Variants in MOCOS observed in about 807,000 individuals in gnomAD.
MOCOS encodes human molybdenum cofactor sulfurase.
MOCOS carries 86 observed loss-of-function variants against 83.6 expected under a neutral mutation model. That is an observed-to-expected ratio of 1.03 (90% confidence interval 0.86 to 1.23). The LOEUF is 1.23. Among genes scored for constraint, MOCOS ranks in the 50% most tolerant of loss-of-function variants. The pLI is 0.00. For missense variants in MOCOS, 1,120 were observed against 1,126.9 expected, an observed-to-expected ratio of 0.99 and a Z score of 0.09; for synonymous variants, 445 against 434.7, an observed-to-expected ratio of 1.02 and a Z score of -0.29.
chr18:36,216,581 T>C (rs903555917), intron 8 of MOCOS, among the ~76,000 whole-genome samples: 10 of 152,200 alleles, frequency 6.6e-5, no homozygotes, highest in African/African-American at 9.6e-5. Context: ...AACCCTACTA[T>C]AGAATACCAA....
Position 36,213,404 on chromosome 18 carries a change from A to G in MOCOS, c.1257A>G (p.Arg419=). 6.2e-7 allele frequency: 1 copy of G among 1,614,164 alleles called. No homozygotes were observed. Among genetic ancestry groups the G allele is most frequent in the Non-Finnish European group, 8.5e-7 (1 of 1,180,024 alleles). The change falls in exon 7 of 15, where the codon CGA becomes CGG. Residue 419 remains arginine, a synonymous_variant. Transcript: ENST00000261326. ...CCAGTCTTTACAACATCCACCTGCG[A>G]ACTGGCTGCTTCTGTAACACTGGGG... ...KMASLYNIHL[R]TGCFCNTGAC... is the part of the protein sequence containing the mutation.
intron 10 of MOCOS, among the ~76,000 whole-genome samples, 184 bp downstream of exon 10, chr18:36,249,184 G>T (rs539254710): frequency 6.6e-6 from 1 of 152,194 alleles, no homozygotes; most frequent in East Asian, 1.9e-4. Context: ...TCCCAAGCAT[G>T]CTCCCTTCTC....
At chr18:36,245,299 AT>A (rs1214480880) in intron 9 of MOCOS, among the ~76,000 whole-genome samples, 2 of 151,474 alleles carry the variant, frequency 1.3e-5, no homozygotes, top group African/African-American at 4.8e-5. Flanking sequence ...TTCTTTTACC[AT>A]TTTTTTTGTA....
chr18:36,193,330 A>AT (rs2091374150), intron 1 of MOCOS, among the ~76,000 whole-genome samples: 2 of 101,584 alleles, frequency 2.0e-5, no homozygotes, highest in East Asian at 4.1e-4. Context: ...AAAAAAAAAA[A>AT]AAAAAAAAAA....
At chr18:36,198,873 T>G in intron 3 of MOCOS, 117 bp downstream of exon 3, 1 of 1,021,112 alleles carries the variant, frequency 9.8e-7, no homozygotes, top group Non-Finnish European at 1.5e-6. Context: ...CACAGTTGGC[T>G]AAAAGGCAAT....
chr18:36,206,493 G>A (rs535567628), intron 6 of MOCOS, among the ~76,000 whole-genome samples: 33 of 151,924 alleles, frequency 2.2e-4, no homozygotes, highest in African/African-American at 6.8e-4. Context: ...TGATCTGCCC[G>A]CCTCAGCCTC....
At chr18:36,214,420 G>A (rs7226821) in intron 7 of MOCOS, among the ~76,000 whole-genome samples, 7,509 of 152,000 alleles carry the variant, frequency 0.049, 230 homozygotes, top group African/African-American at 0.053. Context: ...CCTGAGGTAC[G>A]GCCTCCAAGC....
chr18:36,226,638 G>A (rs760178936), intron 9 of MOCOS, among the ~76,000 whole-genome samples: 4 of 146,958 alleles, frequency 2.7e-5, no homozygotes, highest in Non-Finnish European at 6.0e-5. Context: ...CTGTCTTTGT[G>A]TTTTGTTGAT....
Position 36,238,384 on chromosome 18 carries a change from G to A in MOCOS, c.1961-10538G>A, listed in dbSNP as rs1042127681. Among the ~76,000 whole-genome samples the A allele has an allele frequency of 7.9e-3, 1,194 of 150,566 alleles. 10 individuals carry two copies. Among genetic ancestry groups the A allele is most frequent in the African/African-American group, 0.028 (1,136 of 41,116 alleles). ...ACATCTTTATTTCTGCCTTCATTTC[G>A]TTATGTACCCAGTAGTCATTCAGGA... On this transcript the variant is annotated intron_variant, in intron 9 of 14. Transcript: ENST00000261326.
At position 36,203,120 on chromosome 18, in the gene MOCOS, G is replaced by GA; in HGVS notation, c.950dup (p.Asp317GlufsTer8). On this transcript the variant is annotated frameshift_variant, in exon 5 of 15. Coordinates refer to ENST00000261326, the MANE Select transcript of MOCOS (RefSeq NM_017947.4). LOFTEE classifies it high-confidence loss of function. ...CTTACCCCGTGGTTATAGGTTTGAA[G>GA]ATGGCACCATCTCATTCCTTGATGT... is the stretch of plus-strand genomic sequence containing the variant. 6.2e-7 allele frequency: 1 copy of GA among 1,614,186 alleles called. No homozygotes were observed. The highest frequency in any genetic ancestry group is 8.5e-7 in the Non-Finnish European group (1 of 1,180,008).
chr18:36,188,827 G>A (rs891716345), intron 1 of MOCOS, among the ~76,000 whole-genome samples: 4 of 151,944 alleles, frequency 2.6e-5, no homozygotes, highest in African/African-American at 7.3e-5. Context: ...GGGAGACGGG[G>A]GTGCCTTCTG....
At chr18:36,259,389 C>T (rs751393895) in intron 12 of MOCOS, among the ~76,000 whole-genome samples, 7 of 138,072 alleles carry the variant, frequency 5.1e-5, no homozygotes, top group Admixed American at 2.5e-4. Context: ...GTCAAGGCTG[C>T]AATGAGCTGA....
intron 1 of MOCOS, among the ~76,000 whole-genome samples, chr18:36,188,951 T>C (rs954338954): frequency 3.3e-5 from 5 of 151,580 alleles, no homozygotes; most frequent in African/African-American, 9.7e-5. Context: ...CTATTAATTA[T>C]GGAAATTTCC....
intron 13 of MOCOS, among the ~76,000 whole-genome samples, chr18:36,266,012 A>G (rs568215750): frequency 6.6e-6 from 1 of 152,162 alleles, no homozygotes; most frequent in African/African-American, 2.4e-5. Context: ...TTTGTCCATG[A>G]CTGTGGTTGG....
chr18:36,256,449 T>A (rs1055407562), intron 11 of MOCOS, among the ~76,000 whole-genome samples: 18 of 152,288 alleles, frequency 1.2e-4, no homozygotes, highest in Non-Finnish European at 2.4e-4. Flanking sequence ...TTTATTTTTT[T>A]AATTTTCTAA....
At chr18:36,258,349 C>A (rs527525352) in intron 12 of MOCOS, among the ~76,000 whole-genome samples, 1 of 152,308 alleles carries the variant, frequency 6.6e-6, no homozygotes, top group African/African-American at 2.4e-5. Flanking sequence ...ACCATGATAG[C>A]TTTTGGACAT....
intron 14 of MOCOS, 152 bp from the exon 15 acceptor site, chr18:36,268,381 C>A: frequency 2.2e-6 from 2 of 916,068 alleles, no homozygotes; most frequent in South Asian, 1.6e-5. Context: ...TGTTCCAGTG[C>A]ATTCTACTGT....
chr18:36,265,081 C>T (rs935111223), intron 13 of MOCOS, among the ~76,000 whole-genome samples: 1 of 152,148 alleles, frequency 6.6e-6, no homozygotes, highest in African/African-American at 2.4e-5. Flanking sequence ...TTTATTGGTT[C>T]CTGGGGCTCA....
At chr18:36,239,508 T>G (rs1021666112) in intron 9 of MOCOS, among the ~76,000 whole-genome samples, 1 of 151,632 alleles carries the variant, frequency 6.6e-6, no homozygotes, top group African/African-American at 2.4e-5. Context: ...AGATCCGCTG[T>G]TAGTCTGATG....
Sources: gnomAD v4.1 joint callset for allele counts (sites outside exome capture counted in the v4.1 genomes callset) on GRCh38, gnomAD v4.1.1 for gene constraint, MANE v1.5 for transcripts, NCBI Gene and HGNC (gene_info 2026-07-23, HGNC 2026-07-21) for gene names.